DCC: variants seen among roughly 807,000 people sequenced by gnomAD.
The protein encoded by DCC is netrin receptor DCC.
DCC carries 58 observed loss-of-function variants against 172.5 expected under a neutral mutation model. The observed-to-expected ratio is 0.34, with a 90% confidence interval of 0.27 to 0.42. The LOEUF (loss-of-function observed/expected upper bound fraction) is 0.42, where lower values mean the gene tolerates loss of function less well. DCC is among the 10% of genes least tolerant of loss of function. The pLI is 1.00. For synonymous variants in DCC, 709 were observed against 644.5 expected, an observed-to-expected ratio of 1.10 and a Z score of -1.52; for missense variants, 1,740 against 1,791.0, an observed-to-expected ratio of 0.97 and a Z score of 0.51.
intron 5 of DCC, among the ~76,000 whole-genome samples, chr18:53,028,864 A>C (rs756796253): frequency 6.6e-6 from 1 of 152,172 alleles, no homozygotes; most frequent in Admixed American, 6.6e-5. Context: ...CCTTATATTC[A>C]GCTTATATTC....
chr18:52,394,311 G>A (rs1986136826), intron 1 of DCC, among the ~76,000 whole-genome samples: 1 of 152,052 alleles, frequency 6.6e-6, no homozygotes, highest in African/African-American at 2.4e-5. Flanking sequence ...CTGTTGCCCA[G>A]GCTGGAGTGC....
rs117664495 is a variant in DCC at position 52,423,999 on chromosome 18, C to A, written c.91+83121C>A. Among the ~76,000 whole-genome samples the A allele has an allele frequency of 1.9e-3, 284 of 152,124 alleles. 6 individuals carry two copies. In the East Asian group the frequency reaches 0.045, roughly 24 times the overall value. ...ATGGTTTCTTGTTCATCCTTTCTAC[C>A]AAAAGTCCAGGATATGGCTCAGAGG... On this transcript the variant is annotated intron_variant, in intron 1 of 28. Transcript: ENST00000442544.
rs562896560 is a variant in DCC, at chr18:52,678,767, G to A, written c.92-73287G>A. Among the ~76,000 whole-genome samples the A allele has an allele frequency of 1.1e-4, 17 of 152,212 alleles. No homozygotes were observed. In the South Asian group the frequency reaches 3.5e-3, roughly 32 times the overall value. On this transcript the variant is annotated intron_variant, in intron 1 of 28. Coordinates refer to ENST00000442544, the MANE Select transcript of DCC (RefSeq NM_005215.4). The stretch of plus-strand genomic sequence containing the variant: ...AATTAACCTTTTCACTAGGAAACCG[G>A]TTCTGGGCACTGCCTTCATTATCCC...
At chr18:53,310,951 G>A (rs1046698550) in intron 13 of DCC, among the ~76,000 whole-genome samples, 12 of 144,378 alleles carry the variant, frequency 8.3e-5, no homozygotes, top group South Asian at 2.3e-4. Context: ...TAGTTACACC[G>A]TACTACCCTT....
chr18:53,299,609 A>ATTAGTTCATATGTCTCTT (rs2057108485), intron 12 of DCC, among the ~76,000 whole-genome samples: 1 of 152,156 alleles, frequency 6.6e-6, no homozygotes, highest in African/African-American at 2.4e-5. Flanking sequence ...TTTTTTCATT[A>ATTAGTTCATATGTCTCTT]TTAGTTCATA....
rs558096903 is a variant in DCC at position 52,995,330 on chromosome 18, C to A, written c.986-67975C>A. 1.4e-3 allele frequency among the ~76,000 whole-genome samples: 212 copies of A among 152,104 alleles called. 1 individual carries two copies. Among genetic ancestry groups the A allele is most frequent in the Non-Finnish European group, 1.7e-3 (115 of 68,004 alleles). On this transcript the variant is annotated intron_variant, in intron 5 of 28. Coordinates refer to ENST00000442544, the MANE Select transcript of DCC (RefSeq NM_005215.4). ...CAGATTTAAAGTCAGCAGCAAGAAGCAAACTCGGATCTGACTTTTATGCCA... is the reference window on the plus strand; with the variant it reads ...CAGATTTAAAGTCAGCAGCAAGAAGAAAACTCGGATCTGACTTTTATGCCA...
intron 2 of DCC, among the ~76,000 whole-genome samples, chr18:52,808,229 C>G (rs28520810): frequency 6.6e-6 from 1 of 152,092 alleles, no homozygotes; most frequent in Non-Finnish European, 1.5e-5. Context: ...TCTAAAAGGT[C>G]TTGTTCTGGA....
chr18:53,385,839 T>C (rs1363424609), intron 15 of DCC, among the ~76,000 whole-genome samples: 1 of 152,176 alleles, frequency 6.6e-6, no homozygotes. Context: ...TAGTTCAGTA[T>C]GTTTTCATAT....
At chr18:53,259,570 C>T (rs916942867) in intron 12 of DCC, among the ~76,000 whole-genome samples, 4 of 152,166 alleles carry the variant, frequency 2.6e-5, no homozygotes, top group African/African-American at 9.6e-5. Flanking sequence ...GAGTTTCTGC[C>T]AAGAGATCTG....
intron 1 of DCC, among the ~76,000 whole-genome samples, chr18:52,470,841 G>A (rs1197185601): frequency 1.3e-5 from 2 of 152,138 alleles, no homozygotes; most frequent in African/African-American, 4.8e-5. Flanking sequence ...GAGGGCAGGG[G>A]CTGTAACCTT....
At chr18:52,671,991 C>A (rs1031402634) in intron 1 of DCC, among the ~76,000 whole-genome samples, 3 of 152,044 alleles carry the variant, frequency 2.0e-5, no homozygotes, top group Non-Finnish European at 2.9e-5. Flanking sequence ...TCGTGTCGAC[C>A]CTTGCAAATT....
In DCC at chr18:52,487,533, G is replaced by A. The variant is rs535098247; in HGVS notation, c.91+146655G>A. Among the ~76,000 whole-genome samples the A allele has an allele frequency of 6.5e-4, 99 of 152,158 alleles. 1 individual carries two copies. Among genetic ancestry groups the A allele is most frequent in the African/African-American group, 2.2e-3 (92 of 41,530 alleles). The stretch of plus-strand genomic sequence containing the variant: ...GAATAAACGTTAGAGGAAGTAGACC[G>A]GGCACGGTGGCTCACGCCTGTAATC... On this transcript the variant is annotated intron_variant, in intron 1 of 28. Coordinates refer to ENST00000442544, the MANE Select transcript of DCC (RefSeq NM_005215.4).
intron 5 of DCC, among the ~76,000 whole-genome samples, chr18:53,062,208 A>G (rs1230489870): frequency 1.3e-5 from 2 of 152,100 alleles, no homozygotes; most frequent in Admixed American, 6.6e-5. Flanking sequence ...GAGAGTTTTT[A>G]CCAGCTCTTT....
intron 5 of DCC, among the ~76,000 whole-genome samples, chr18:53,025,551 T>C (rs188044274): frequency 6.6e-6 from 1 of 152,130 alleles, no homozygotes; most frequent in South Asian, 2.1e-4. Flanking sequence ...CTCCCAACAG[T>C]AGTTTAATGC....
chr18:53,160,478 T>C (rs2054818954), intron 8 of DCC, among the ~76,000 whole-genome samples: 1 of 152,200 alleles, frequency 6.6e-6, no homozygotes, highest in Non-Finnish European at 1.5e-5. Context: ...CATCAATGTT[T>C]TGCCTGCTAC....
intron 2 of DCC, among the ~76,000 whole-genome samples, chr18:52,775,028 G>A (rs931989957): frequency 3.3e-5 from 5 of 152,166 alleles, no homozygotes; most frequent in African/African-American, 1.2e-4. Context: ...AAAGCCCGGT[G>A]AAGGGAAACA....
chr18:53,029,768 C>T (rs1323863287), intron 5 of DCC, among the ~76,000 whole-genome samples: 1 of 152,088 alleles, frequency 6.6e-6, no homozygotes, highest in Non-Finnish European at 1.5e-5. Flanking sequence ...CTCAACAGTC[C>T]CATGTGGCTT....
At chr18:53,401,600 A>G (rs1182305024) in intron 18 of DCC, among the ~76,000 whole-genome samples, 1 of 82,828 alleles carries the variant, frequency 1.2e-5, no homozygotes, top group African/African-American at 3.2e-5. Flanking sequence ...GGTGAAGATG[A>G]GTTCAGAATT....
chr18:52,595,874 A>G (rs2033900545), intron 1 of DCC, among the ~76,000 whole-genome samples: 2 of 152,210 alleles, frequency 1.3e-5, no homozygotes, highest in Non-Finnish European at 2.9e-5. Flanking sequence ...GGCAGATGCC[A>G]GACCAAAACT....
Sources: gnomAD v4.1 joint callset for allele counts (sites outside exome capture counted in the v4.1 genomes callset) on GRCh38, gnomAD v4.1.1 for gene constraint, MANE v1.5 for transcripts, NCBI Gene and HGNC (gene_info 2026-07-23, HGNC 2026-07-21) for gene names.